NALCN: variants seen among roughly 807,000 people sequenced by gnomAD.
The protein encoded by NALCN is sodium leak channel NALCN.
Under a neutral mutation model 225.3 loss-of-function variants are expected in NALCN, and 111 were observed. That is an observed-to-expected ratio of 0.49 (90% CI 0.42 to 0.58). The LOEUF (loss-of-function observed/expected upper bound fraction) is 0.58, where lower values mean the gene tolerates loss of function less well. NALCN is among the 20% of genes least tolerant of loss of function. The pLI is 0.00. For missense variants in NALCN, 1,378 were observed against 2,202.4 expected, an observed-to-expected ratio of 0.63 and a Z score of 7.49; for synonymous variants, 764 against 769.0, an observed-to-expected ratio of 0.99 and a Z score of 0.11.
chr13:101,232,238 A>G (rs1181249238), intron 12 of NALCN, among the ~76,000 whole-genome samples: 2 of 152,150 alleles, frequency 1.3e-5, no homozygotes, highest in Admixed American at 6.6e-5. Flanking sequence ...AACAGGAAGT[A>G]TCAGTGGTCA....
At chr13:101,281,245 A>T (rs1285648359) in intron 10 of NALCN, among the ~76,000 whole-genome samples, 1 of 152,232 alleles carries the variant, frequency 6.6e-6, no homozygotes, top group Middle Eastern at 3.4e-3. Flanking sequence ...TGCATCTTGC[A>T]TTACTTCTTT....
intron 18 of NALCN, among the ~76,000 whole-genome samples, chr13:101,111,481 G>A (rs891207992): frequency 6.6e-6 from 1 of 152,214 alleles, no homozygotes; most frequent in East Asian, 1.9e-4. Flanking sequence ...TCCTCCTTCT[G>A]CCTCCTCCCT....
intron 13 of NALCN, among the ~76,000 whole-genome samples, chr13:101,202,958 G>C (rs17622124): frequency 0.19 from 28,901 of 152,140 alleles, 2,919 homozygotes; most frequent in East Asian, 0.37. Flanking sequence ...CTTTCACAGC[G>C]TCTGAGTCTA....
At chr13:101,140,195 C>T (rs1324446521) in intron 17 of NALCN, among the ~76,000 whole-genome samples, 1 of 152,132 alleles carries the variant, frequency 6.6e-6, no homozygotes, top group African/African-American at 2.4e-5. Context: ...AGCAATAAGA[C>T]ATGTTGTATG....
intron 7 of NALCN, among the ~76,000 whole-genome samples, chr13:101,298,774 C>T (rs1168228179): frequency 6.6e-6 from 1 of 152,232 alleles, no homozygotes; most frequent in African/African-American, 2.4e-5. Flanking sequence ...TGTGTAGCCA[C>T]ACCCCTGACC....
At chr13:101,122,653 A>C (rs1245978718) in intron 18 of NALCN, among the ~76,000 whole-genome samples, 2 of 152,240 alleles carry the variant, frequency 1.3e-5, no homozygotes, top group African/African-American at 4.8e-5. Context: ...AATTTTAAGA[A>C]AATATTGGAG....
intron 16 of NALCN, among the ~76,000 whole-genome samples, chr13:101,143,552 C>T (rs1403568673): frequency 6.6e-6 from 1 of 152,032 alleles, no homozygotes; most frequent in Non-Finnish European, 1.5e-5. Context: ...ACAACCTCCG[C>T]CTCCCGAGTT....
At position 101,137,357 on chromosome 13, in the gene NALCN, T is replaced by C. The variant is rs555814937; in HGVS notation, c.2118+5723A>G. On this transcript the variant is annotated intron_variant, in intron 17 of 43. Coordinates refer to ENST00000251127, the MANE Select transcript of NALCN (RefSeq NM_052867.4). The stretch of plus-strand genomic sequence containing the variant: ...TAAAAATGAAAACAGGCTGTGTTCG[T>C]TCGTTCATTTGTTCATTCTCTCTCT... 9.9e-5 allele frequency among the ~76,000 whole-genome samples: 15 copies of C among 151,728 alleles called. No individual in the cohort carries two copies. In the South Asian group the frequency reaches 2.1e-3, roughly 21 times the overall value.
intron 43 of NALCN, among the ~76,000 whole-genome samples, chr13:101,055,998 A>G (rs111887090): frequency 6.6e-5 from 10 of 152,280 alleles, no homozygotes; most frequent in African/African-American, 2.4e-4. Context: ...CTCTGAACCC[A>G]AGTTTCCTCC....
chr13:101,132,621 T>C (rs1319431934), intron 17 of NALCN, among the ~76,000 whole-genome samples: 2 of 152,076 alleles, frequency 1.3e-5, no homozygotes, highest in Non-Finnish European at 2.9e-5. Context: ...TAAGGTATTA[T>C]TATCTCTTTT....
intron 12 of NALCN, among the ~76,000 whole-genome samples, chr13:101,234,210 T>C (rs1156796847): frequency 1.3e-5 from 2 of 152,252 alleles, no homozygotes; most frequent in African/African-American, 4.8e-5. Context: ...CTTTGTGAAC[T>C]GTTTGCCTTT....
chr13:101,236,601 A>G (rs1302940482), intron 12 of NALCN, among the ~76,000 whole-genome samples: 1 of 152,132 alleles, frequency 6.6e-6, no homozygotes, highest in African/African-American at 2.4e-5. Context: ...TGATGAGTTC[A>G]TGTCCTTTGT....
chr13:101,238,135 TG>T lies in NALCN; in HGVS notation c.1267-214del, dbSNP rs577108430. Among the ~76,000 whole-genome samples the T allele has an allele frequency of 2.9e-3, 436 of 151,976 alleles. 2 individuals carry two copies. The highest frequency in any genetic ancestry group is 0.01 in the African/African-American group (417 of 41,540). ...GCAATCTTAAACAATTATAAAAACA[TG>T]TTATGATTTTGAATGTTTGTGAGTG... On this transcript the variant is annotated intron_variant, in intron 11 of 43. Transcript: ENST00000251127.
At chr13:101,131,316 TCTG>T (rs2036506030) in intron 17 of NALCN, among the ~76,000 whole-genome samples, 2 of 152,198 alleles carry the variant, frequency 1.3e-5, no homozygotes, top group Admixed American at 6.5e-5. Flanking sequence ...GAGACAGTAT[TCTG>T]CTGTTTTTTT....
chr13:101,116,892 ATGAG>A, intron 18 of NALCN: 1 of 494,274 alleles, frequency 2.0e-6, no homozygotes, highest in South Asian at 1.5e-5. Flanking sequence ...AGAATAGATA[ATGAG>A]TATTTCCTGG....
chr13:101,075,617 A>G (rs1215050289), intron 35 of NALCN, among the ~76,000 whole-genome samples: 8 of 151,918 alleles, frequency 5.3e-5, no homozygotes, highest in Non-Finnish European at 1.2e-4. Context: ...AATTAATTAA[A>G]TTAATAAATT....
chr13:101,083,853 A>T, intron 30 of NALCN, 49 bp from the exon 31 acceptor site: 1 of 1,562,450 alleles, frequency 6.4e-7, no homozygotes, highest in Non-Finnish European at 8.8e-7. Context: ...ATGTGCTTGC[A>T]CCAAGAACAT....
chr13:101,074,135 T>C (rs563779206), intron 36 of NALCN, among the ~76,000 whole-genome samples: 13 of 152,298 alleles, frequency 8.5e-5, no homozygotes. Flanking sequence ...AATTCCCATA[T>C]TTTGCTGAGA....
intron 10 of NALCN, among the ~76,000 whole-genome samples, chr13:101,260,065 T>C (rs1486357071): frequency 6.6e-6 from 1 of 151,954 alleles, no homozygotes; most frequent in Non-Finnish European, 1.5e-5. Context: ...CTCTACTCTC[T>C]ATGTCCATGA....
Sources: gnomAD v4.1 joint callset for allele counts (sites outside exome capture counted in the v4.1 genomes callset) on GRCh38, gnomAD v4.1.1 for gene constraint, MANE v1.5 for transcripts, NCBI Gene and HGNC (gene_info 2026-07-23, HGNC 2026-07-21) for gene names.